Variants in KLHL13 observed in about 807,000 individuals in gnomAD.
KLHL13 encodes the protein kelch like family member 13, also known as kelch-like protein 13.
Under a neutral mutation model 37.1 loss-of-function variants are expected in KLHL13, and 10 were observed. The ratio of observed to expected loss-of-function variants is 0.27; its 90% confidence interval spans 0.17 to 0.46. The LOEUF is 0.46. Among genes scored for constraint, KLHL13 ranks in the 20% least tolerant of loss-of-function variants. The pLI is 1.00. For missense variants in KLHL13, 360 were observed against 509.3 expected (o/e 0.71, Z 2.82); for synonymous variants, 163 against 181.2 (o/e 0.90, Z 0.81).
At chrX:117,932,764 T>G (rs1343524119) in intron 2 of KLHL13, among the ~76,000 whole-genome samples, 1 of 112,027 alleles carries the variant, frequency 8.9e-6, no homozygotes, top group African/African-American at 3.2e-5. Context: ...GGTAGTTCCA[T>G]TATTAGTTTT....
intron 1 of KLHL13, among the ~76,000 whole-genome samples, chrX:117,952,816 A>C (rs1253159419): frequency 9.2e-6 from 1 of 108,304 alleles, no homozygotes; most frequent in Non-Finnish European, 1.9e-5. Context: ...GCTCATCATC[A>C]CTGGCCATCA....
intron 1 of KLHL13, among the ~76,000 whole-genome samples, chrX:118,003,007 C>T (rs1038365023): frequency 4.5e-5 from 5 of 111,603 alleles, no homozygotes; most frequent in African/African-American, 6.5e-5. Flanking sequence ...GCACACTTGG[C>T]GAAGGGAAAA....
chrX:118,099,334 G>T (rs2055255831), intron 1 of KLHL13, among the ~76,000 whole-genome samples: 1 of 111,567 alleles, frequency 9.0e-6, no homozygotes, highest in African/African-American at 3.3e-5. Flanking sequence ...TCATTAAACT[G>T]AAAATTTCCT....
intron 4 of KLHL13, among the ~76,000 whole-genome samples, chrX:117,913,105 C>A (rs1931094143): frequency 9.0e-6 from 1 of 111,366 alleles, no homozygotes; most frequent in African/African-American, 3.3e-5. Context: ...TAATAATTAA[C>A]AATATAAATA....
intron 1 of KLHL13, chrX:117,983,432 A>G: frequency 1.3e-6 from 1 of 787,361 alleles, no homozygotes; most frequent in Non-Finnish European, 1.8e-6. Context: ...ACCAATTCGC[A>G]CTGAAAAAAA....
At chrX:117,925,659 C>T (rs1471716728) in intron 2 of KLHL13, among the ~76,000 whole-genome samples, 2 of 111,848 alleles carry the variant, frequency 1.8e-5, no homozygotes, top group Non-Finnish European at 3.8e-5. Flanking sequence ...AAAGACTTTC[C>T]ATCACTGCAA....
At chrX:117,967,986 C>A (rs1173473748) in intron 1 of KLHL13, among the ~76,000 whole-genome samples, 2 of 111,294 alleles carry the variant, frequency 1.8e-5, no homozygotes, top group Non-Finnish European at 3.8e-5. Context: ...AGCAGAGATT[C>A]TGCTTAAAGG....
intron 1 of KLHL13, 34 bp downstream of exon 2, chrX:118,028,390 C>T (rs1425349506): frequency 1.1e-5 from 10 of 909,772 alleles, no homozygotes; most frequent in Middle Eastern, 2.6e-4. Flanking sequence ...ATAGGAAAGA[C>T]GTTATATAAG....
chrX:118,033,069 C>A (rs777531615), intron 1 of KLHL13, among the ~76,000 whole-genome samples: 1 of 111,077 alleles, frequency 9.0e-6, no homozygotes, highest in East Asian at 2.8e-4. Flanking sequence ...TGAGCAAAGC[C>A]TCCAAGAAAT....
At chrX:117,942,847 T>G (rs1247663583) in intron 2 of KLHL13, among the ~76,000 whole-genome samples, 1 of 111,526 alleles carries the variant, frequency 9.0e-6, no homozygotes, top group Non-Finnish European at 1.9e-5. Context: ...TATTGTTATG[T>G]GTGAATCTGA....
intron 1 of KLHL13, among the ~76,000 whole-genome samples, chrX:118,006,541 G>C (rs1379738586): frequency 9.0e-6 from 1 of 111,694 alleles, no homozygotes; most frequent in Non-Finnish European, 1.9e-5. Flanking sequence ...AAAAAGTGTA[G>C]TATGTTATTT....
chrX:118,082,727 G>A (rs1316659991), intron 1 of KLHL13, among the ~76,000 whole-genome samples: 1 of 111,605 alleles, frequency 9.0e-6, no homozygotes, highest in African/African-American at 3.2e-5. Flanking sequence ...GTAGTTTCAG[G>A]TCTTAGATTT....
chrX:117,965,673 G>A (rs1473611342), intron 1 of KLHL13, among the ~76,000 whole-genome samples: 3 of 111,236 alleles, frequency 2.7e-5, no homozygotes, highest in Admixed American at 9.6e-5. Context: ...CTGGCAAACG[G>A]AATCCAGCAG....
chrX:117,986,646 G>A lies in KLHL13; in HGVS notation c.-55-41071C>T, dbSNP rs140936990. Among the ~76,000 whole-genome samples, 438 of 111,211 alleles carry A rather than the reference G, an allele frequency of 3.9e-3. 3 individuals carry two copies. Among genetic ancestry groups the A allele is most frequent in the African/African-American group, 5.9e-3 (180 of 30,611 alleles). On this transcript the variant is annotated intron_variant, in intron 1 of 6. Coordinates refer to the KLHL13 transcript ENST00000371882. ...TCAAAAGCTTTCTTTGTTCTTTCTC[G>A]CCTTTGCTCCAGAGGTCCCTCTTGC...
intron 1 of KLHL13, among the ~76,000 whole-genome samples, chrX:118,115,870 G>A (rs2055462707): frequency 8.9e-6 from 1 of 112,676 alleles, no homozygotes; most frequent in African/African-American, 3.2e-5. Flanking sequence ...GCTATTTAGT[G>A]AAGGAATGAT....
At chrX:117,989,267 C>T in intron 1 of KLHL13, among the ~76,000 whole-genome samples, 1 of 110,872 alleles carries the variant, frequency 9.0e-6, no homozygotes, top group Non-Finnish European at 1.9e-5. Flanking sequence ...GCAATGCAGG[C>T]ATTAATATTC....
intron 1 of KLHL13, among the ~76,000 whole-genome samples, chrX:118,027,456 C>A (rs759017542): frequency 1.8e-5 from 2 of 111,096 alleles, no homozygotes; most frequent in Non-Finnish European, 3.8e-5. Flanking sequence ...TGGCTGGTAT[C>A]AACACTTAAA....
intron 6 of KLHL13, among the ~76,000 whole-genome samples, chrX:117,900,077 T>G (rs1929992069): frequency 8.9e-6 from 1 of 112,369 alleles, no homozygotes; most frequent in Admixed American, 9.5e-5. Flanking sequence ...ACGTGGAATT[T>G]TATACATGCA....
chrX:118,089,950 G>A (rs781504574), intron 1 of KLHL13, among the ~76,000 whole-genome samples: 8 of 109,129 alleles, frequency 7.3e-5, no homozygotes, highest in East Asian at 2.9e-4. Context: ...GAATGGTGGC[G>A]TGTGCCTATA....
Sources: gnomAD v4.1 joint callset for allele counts (sites outside exome capture counted in the v4.1 genomes callset) on GRCh38, gnomAD v4.1.1 for gene constraint, MANE v1.5 for transcripts, NCBI Gene and HGNC (gene_info 2026-07-23, HGNC 2026-07-21) for gene names.